The following TUBGCP5 variants were observed in gnomAD, a reference collection of about 807,000 sequenced individuals.
TUBGCP5 encodes gamma-tubulin complex component 5.
In TUBGCP5, 98 loss-of-function variants were observed where a neutral mutation model predicts 134.7. The observed-to-expected ratio is 0.73, with a 90% CI of 0.62 to 0.86. TUBGCP5 has a LOEUF of 0.86. Ranked by LOEUF, TUBGCP5 falls within the 40% of genes least tolerant of loss-of-function variation. TUBGCP5 has a pLI of 0.00. For missense variants in TUBGCP5, 1,150 were observed against 1,244.8 expected (o/e 0.92, Z 1.15); for synonymous variants, 456 against 431.4 (o/e 1.06, Z -0.71).
At chr15:23,015,028 C>G (rs1359647998) in intron 13 of TUBGCP5, among the ~76,000 whole-genome samples, 1 of 152,134 alleles carries the variant, frequency 6.6e-6, no homozygotes, top group Non-Finnish European at 1.5e-5. Flanking sequence ...TGTGTACATG[C>G]ATGTACCCCT....
At chr15:22,993,525 G>GT (rs71414252) in intron 23 of TUBGCP5, among the ~76,000 whole-genome samples, 4,619 of 69,078 alleles carry the variant, frequency 0.067, 655 homozygotes, top group Non-Finnish European at 0.095. Flanking sequence ...AGCCCCCGAA[G>GT]TTTTTTTTTT....
At chr15:23,005,390 A>C (rs1371549126) in intron 19 of TUBGCP5, 42 bp downstream of exon 19, 1 of 1,601,566 alleles carries the variant, frequency 6.2e-7, no homozygotes, top group Admixed American at 1.7e-5. Flanking sequence ...ACAACTGTAT[A>C]GATACGACGA....
intron 22 of TUBGCP5, 83 bp from the exon 23 acceptor site, chr15:22,999,949 C>CTT (rs2064274521): frequency 6.2e-6 from 8 of 1,289,094 alleles, no homozygotes; most frequent in Non-Finnish European, 8.9e-6. Context: ...GTCCCACTGT[C>CTT]ACCCAGGCTG....
Position 23,032,725 on chromosome 15 carries a change from T to C in TUBGCP5, c.406+3A>G. The C allele has an allele frequency of 6.4e-7, 1 of 1,562,184 alleles. No homozygotes were observed. Reference sequence around the variant, plus strand: ...TCATATGTTAAGGAATCTAGTAACATACCCACTTCTTTATTTCTTGGTGTC... The same window carrying C: ...TCATATGTTAAGGAATCTAGTAACACACCCACTTCTTTATTTCTTGGTGTC... On this transcript the variant is annotated splice_donor_region_variant and intron_variant, in intron 4 of 22. Transcript: ENST00000615383.
chr15:22,985,518 G>A (rs1279061252), intron 23 of TUBGCP5, among the ~76,000 whole-genome samples: 1 of 151,922 alleles, frequency 6.6e-6, no homozygotes, highest in Non-Finnish European at 1.5e-5. Context: ...ACACCTGGCT[G>A]TATAATGAAT....
chr15:23,003,633 T>G (rs12911611), intron 20 of TUBGCP5, among the ~76,000 whole-genome samples: 1 of 36,932 alleles, frequency 2.7e-5, no homozygotes, highest in Non-Finnish European at 4.6e-5. Flanking sequence ...CCTCCTTCTG[T>G]TTTTTTTTTT....
Position 23,031,967 on chromosome 15 carries a change from G to T in TUBGCP5, c.469C>A (p.Pro157Thr). 6.2e-7 allele frequency: 1 copy of T among 1,612,088 alleles called. No homozygotes were observed. Among genetic ancestry groups the T allele is most frequent in the South Asian group, 1.1e-5 (1 of 90,686 alleles). The change falls in exon 5 of 23, where the codon CCG (proline) becomes ACG (threonine). Residue 157 changes from proline to threonine, a missense_variant. Physicochemically the swap from Pro to Thr is conservative, Grantham distance 38 (BLOSUM62 -1). This residue lies in a region of TUBGCP5 where 453 missense variants were observed against 394.7 expected (regional missense o/e 1.15). Coordinates refer to ENST00000615383, the MANE Select transcript of TUBGCP5 (RefSeq NM_052903.6). ...LMEDEEMDIG[P>T]YMDTPNWSEE... The stretch of plus-strand genomic sequence containing the variant: ...CCACTTACTGGTGTGTCCATGTACG[G>T]ACCAATGTCCATTTCTTCATCTTCC...
At chr15:23,003,598 A>T (rs913147123) in intron 20 of TUBGCP5, among the ~76,000 whole-genome samples, 1 of 148,472 alleles carries the variant, frequency 6.7e-6, no homozygotes, top group African/African-American at 2.5e-5. Context: ...TTGCTCTTAG[A>T]TACAATTTCT....
At chr15:23,009,164 TC>T (rs538633603) in intron 15 of TUBGCP5, among the ~76,000 whole-genome samples, 172 of 152,280 alleles carry the variant, frequency 1.1e-3, no homozygotes, top group Non-Finnish European at 2.2e-3. Flanking sequence ...ATGGTGGATT[TC>T]CATCATTAAT....
At chr15:23,007,824 G>A (rs1027136568) in intron 16 of TUBGCP5, among the ~76,000 whole-genome samples, 2 of 152,212 alleles carry the variant, frequency 1.3e-5, no homozygotes, top group Non-Finnish European at 2.9e-5. Flanking sequence ...ATAGGGATGA[G>A]TGGTGGAAGT....
Position 23,010,034 on chromosome 15 carries a change from T to C in TUBGCP5, c.2055A>G (p.Leu685=), listed in dbSNP as rs2064946213. ...SESVTCQTFE[L]TLRSCLYPHI... ...GAGGATAGAGGCAGGATCTCAGCGT[T>C]AATTCAAAAGTCTGGCATGTCACAG... The change falls in exon 15 of 23, where the codon TTA becomes TTG. Residue 685 remains leucine, a synonymous_variant. Transcript: ENST00000615383. The C allele has an allele frequency of 6.2e-7, 1 of 1,614,064 alleles. No individual in the cohort carries two copies. Among genetic ancestry groups the C allele is most frequent in the Admixed American group, 1.7e-5 (1 of 60,002 alleles).
chr15:23,029,475 C>T (rs2066175307), intron 6 of TUBGCP5, among the ~76,000 whole-genome samples: 1 of 152,162 alleles, frequency 6.6e-6, no homozygotes. Context: ...CCCAGCTCGG[C>T]CTCCCAAAGT....
At position 23,039,552 on chromosome 15, in the gene TUBGCP5, C is replaced by T. The variant is rs577501044; in HGVS notation, c.-9G>A. On this transcript the variant is annotated 5_prime_UTR_variant, in exon 1 of 23. Transcript: ENST00000615383. ...GGCCCGTGCCGCGCCATGTTCCGCG[C>T]TCCTGCAGCGCGCGTCTAACGAATT... 3 of 1,416,908 alleles carry T rather than the reference C, an allele frequency of 2.1e-6. No individual in the cohort carries two copies. The highest frequency in any genetic ancestry group is 2.6e-5 in the Admixed American group (1 of 39,060). 87.8% of individuals were successfully genotyped at this position (1,416,908 alleles called of 1,614,324 possible). A position where few individuals can be genotyped will look rare whatever the true frequency, so the allele number is the denominator to read the frequency against.
In TUBGCP5 at chr15:22,993,525, G is replaced by GTTTTTTTTT. The variant is rs71414252; in HGVS notation, c.*61+3311_*61+3319dup. On this transcript the variant is annotated intron_variant and NMD_transcript_variant, in intron 23 of 23. Coordinates refer to the TUBGCP5 transcript ENST00000614508. ...TAATCCTCCCACCTCAGCCCCCGAA[G>GTTTTTTTTT]TTTTTTTTTTTTTTTTTTTTTTTTT... Among the ~76,000 whole-genome samples the GTTTTTTTTT allele has an allele frequency of 3.5e-4, 24 of 69,270 alleles. 3 individuals are homozygous for GTTTTTTTTT. Among genetic ancestry groups the GTTTTTTTTT allele is most frequent in the South Asian group, 9.9e-4 (2 of 2,024 alleles). 45.4% of individuals were successfully genotyped at this position (69,270 alleles called of 152,430 possible).
intron 23 of TUBGCP5, among the ~76,000 whole-genome samples, chr15:22,986,142 A>AT (rs1555430378): frequency 0.013 from 1,653 of 132,194 alleles, 36 homozygotes; most frequent in African/African-American, 0.046. Context: ...TCAAAAAAAA[A>AT]AAAAAAATAA....
intron 20 of TUBGCP5, 136 bp from the exon 21 acceptor site, chr15:23,003,289 C>T: frequency 2.6e-6 from 2 of 770,022 alleles, no homozygotes; most frequent in Admixed American, 2.4e-5. Context: ...TGGAAGGGTA[C>T]TAGGCTCTGA....
At chr15:23,032,130 G>A in intron 4 of TUBGCP5, 101 bp from the exon 5 acceptor site, 29 of 711,360 alleles carry the variant, frequency 4.1e-5, no homozygotes, top group South Asian at 2.3e-4. Context: ...AAAATACTCA[G>A]GAAATAAAAA....
At position 23,010,108 on chromosome 15, in the gene TUBGCP5, GA is replaced by G; in HGVS notation, c.1980del (p.His661ThrfsTer18). 6.2e-7 allele frequency: 1 copy of G among 1,613,866 alleles called. No individual in the cohort carries two copies. Among genetic ancestry groups the G allele is most frequent in the Non-Finnish European group, 8.5e-7 (1 of 1,179,890 alleles). On this transcript the variant is annotated frameshift_variant, in exon 15 of 23. Coordinates refer to ENST00000615383, the MANE Select transcript of TUBGCP5 (RefSeq NM_052903.6). LOFTEE classifies it high-confidence loss of function. ...FARMYLEQSD[F>X]HEKFAGGDVC... ...ACATCACCACCAGCAAACTTCTCGT[GA>G]AAGTCACTCTGCTCCAAATACATCC... is the stretch of plus-strand genomic sequence containing the variant.
rs201991959 is a variant in TUBGCP5 at position 23,027,302 on chromosome 15, C to T, written c.627G>A (p.Glu209=). ...KLDPCISWKD[E]PDDRSWLEHH... ...GTTCCAGCCAGCTTCGGTCATCTGG[C>T]TCATCTGCTTGAAAGAAATGTAATC... The change falls in exon 7 of 23, where the codon GAG becomes GAA. Residue 209 remains glutamate, a synonymous_variant. Transcript: ENST00000615383. 6.2e-5 allele frequency: 100 copies of T among 1,613,434 alleles called. No individual in the cohort carries two copies. In the East Asian group the frequency reaches 1.6e-3, roughly 26 times the overall value.
Sources: gnomAD v4.1 joint callset for allele counts (sites outside exome capture counted in the v4.1 genomes callset) on GRCh38, gnomAD v4.1.1 for gene constraint, gnomAD v4.1.1 regional missense constraint, MANE v1.5 for transcripts, NCBI Gene and HGNC (gene_info 2026-07-23, HGNC 2026-07-21) for gene names.